KCNN2: variants seen among roughly 807,000 people sequenced by gnomAD.
The protein encoded by KCNN2 is small conductance calcium-activated potassium channel protein 2.
KCNN2 carries 24 observed loss-of-function variants against 55.5 expected under a neutral mutation model. The observed-to-expected ratio is 0.43, with a 90% CI of 0.31 to 0.61. The LOEUF is 0.61. KCNN2 is among the 20% of genes least tolerant of loss of function. The pLI, the probability that KCNN2 is intolerant of heterozygous loss-of-function variation, is 0.08. For synonymous variants in KCNN2, 431 were observed against 336.1 expected (o/e 1.28, Z -3.09); for missense variants, 754 against 853.6 (o/e 0.88, Z 1.45).
intron 5 of KCNN2, among the ~76,000 whole-genome samples, chr5:114,482,848 G>A (rs1387551580): frequency 6.6e-6 from 1 of 152,122 alleles, no homozygotes; most frequent in Non-Finnish European, 1.5e-5. Flanking sequence ...GACACATGGT[G>A]GGAGGGAACA....
chr5:114,145,547 A>T (rs1249700892), intron 1 of KCNN2, among the ~76,000 whole-genome samples: 1 of 152,154 alleles, frequency 6.6e-6, no homozygotes, highest in Non-Finnish European at 1.5e-5. Context: ...TGAATATCTA[A>T]TGAGAGATAT....
chr5:114,368,210 G>T (rs1252908520), intron 2 of KCNN2, among the ~76,000 whole-genome samples: 1 of 152,096 alleles, frequency 6.6e-6, no homozygotes, highest in Non-Finnish European at 1.5e-5. Context: ...CATGGATTTT[G>T]GTGTCTGTGG....
chr5:114,478,320 A>AGGTTT (rs1762063753), intron 5 of KCNN2, among the ~76,000 whole-genome samples: 1 of 152,218 alleles, frequency 6.6e-6, no homozygotes, highest in Non-Finnish European at 1.5e-5. Context: ...TATATGCTAT[A>AGGTTT]GGTTTGAACA....
intron 2 of KCNN2, among the ~76,000 whole-genome samples, chr5:114,266,289 A>C (rs997458182): frequency 6.6e-6 from 1 of 152,176 alleles, no homozygotes; most frequent in African/African-American, 2.4e-5. Flanking sequence ...TGTAGTGGAC[A>C]GGGAAGCCAC....
chr5:114,059,684 C>T (rs61493116), intron 1 of KCNN2, among the ~76,000 whole-genome samples: 1,857 of 152,248 alleles, frequency 0.012, 39 homozygotes, highest in African/African-American at 0.043. Flanking sequence ...TGAGGCAAGT[C>T]TAATGGTAGT....
chr5:114,194,885 AAT>A (rs1491205489), intron 1 of KCNN2, among the ~76,000 whole-genome samples: 8 of 34,066 alleles, frequency 2.3e-4, no homozygotes, highest in South Asian at 2.8e-3. Flanking sequence ...GCCTTGATTT[AAT>A]TTTTTTTTTT....
chr5:114,216,579 T>A (rs1027388511), intron 1 of KCNN2, among the ~76,000 whole-genome samples: 2 of 152,126 alleles, frequency 1.3e-5, no homozygotes, highest in Non-Finnish European at 2.9e-5. Flanking sequence ...GAAAAAGCAT[T>A]TGATAAAATC....
intron 1 of KCNN2, among the ~76,000 whole-genome samples, chr5:114,167,101 A>G (rs1752928351): frequency 1.3e-5 from 2 of 152,108 alleles, no homozygotes; most frequent in African/African-American, 4.8e-5. Flanking sequence ...CTCAGCTGAG[A>G]TCCTAAACAA....
At chr5:114,074,017 A>G (rs1750629705) in intron 1 of KCNN2, among the ~76,000 whole-genome samples, 1 of 152,206 alleles carries the variant, frequency 6.6e-6, no homozygotes, top group Non-Finnish European at 1.5e-5. Context: ...GAACAGCTCT[A>G]ATATCTACAA....
At chr5:114,282,023 G>T (rs1026714742) in intron 2 of KCNN2, among the ~76,000 whole-genome samples, 2 of 151,890 alleles carry the variant, frequency 1.3e-5, no homozygotes, top group African/African-American at 4.8e-5. Flanking sequence ...GTATGTAAAT[G>T]CTTTTGTGAT....
At chr5:114,373,891 A>G (rs1342885875) in intron 2 of KCNN2, among the ~76,000 whole-genome samples, 3 of 151,146 alleles carry the variant, frequency 2.0e-5, no homozygotes, top group Non-Finnish European at 4.4e-5. Flanking sequence ...CACTTAATCT[A>G]GGGTGTGTGT....
chr5:114,171,382 G>A (rs1753029236), intron 1 of KCNN2, among the ~76,000 whole-genome samples: 1 of 151,898 alleles, frequency 6.6e-6, no homozygotes, highest in African/African-American at 2.4e-5. Flanking sequence ...GTTTCTCATT[G>A]CCTTGCAAAA....
intron 1 of KCNN2, among the ~76,000 whole-genome samples, chr5:114,137,031 G>T (rs952652627): frequency 6.6e-6 from 1 of 152,026 alleles, no homozygotes; most frequent in African/African-American, 2.4e-5. Flanking sequence ...CCTACTATTC[G>T]TGGTAGATAG....
chr5:114,104,486 T>C (rs933559970), intron 1 of KCNN2, among the ~76,000 whole-genome samples: 2 of 152,072 alleles, frequency 1.3e-5, no homozygotes, highest in Admixed American at 1.3e-4. Context: ...GCTTTGTTAG[T>C]TCTTTTGGTG....
chr5:114,216,429 G>A (rs1754002499), intron 1 of KCNN2, among the ~76,000 whole-genome samples: 1 of 152,110 alleles, frequency 6.6e-6, no homozygotes, highest in African/African-American at 2.4e-5. Flanking sequence ...AAACCATTAT[G>A]TATACCCATG....
At chr5:114,126,622 C>A (rs1751935384) in intron 1 of KCNN2, among the ~76,000 whole-genome samples, 1 of 152,246 alleles carries the variant, frequency 6.6e-6, no homozygotes, top group Admixed American at 6.5e-5. Flanking sequence ...CAAACCATAT[C>A]ATTCTACCTC....
At chr5:114,101,372 A>G (rs1440896990) in intron 1 of KCNN2, among the ~76,000 whole-genome samples, 1 of 147,930 alleles carries the variant, frequency 6.8e-6, no homozygotes, top group African/African-American at 2.5e-5. Flanking sequence ...AGGTGGCGCC[A>G]TTTACATAGT....
chr5:114,343,716 G>T (rs962990057), intron 2 of KCNN2, among the ~76,000 whole-genome samples: 3 of 151,842 alleles, frequency 2.0e-5, no homozygotes, highest in Admixed American at 6.6e-5. Context: ...AACATGGTGT[G>T]GGGGGAACAG....
intron 1 of KCNN2, among the ~76,000 whole-genome samples, chr5:114,148,537 C>T (rs906949697): frequency 7.2e-5 from 11 of 151,954 alleles, no homozygotes; most frequent in African/African-American, 1.9e-4. Flanking sequence ...GGCACTGGGA[C>T]GTGGACTTGG....
Sources: gnomAD v4.1 joint callset for allele counts (sites outside exome capture counted in the v4.1 genomes callset) on GRCh38, gnomAD v4.1.1 for gene constraint, MANE v1.5 for transcripts, NCBI Gene and HGNC (gene_info 2026-07-23, HGNC 2026-07-21) for gene names.